Variants in VWA2 observed in about 807,000 individuals in gnomAD.
The protein encoded by VWA2 is von Willebrand factor A domain-containing protein 2.
A neutral mutation model predicts 70.4 loss-of-function variants in VWA2; 73 were observed. The observed-to-expected ratio is 1.04, with a 90% CI of 0.86 to 1.26. VWA2 has a LOEUF of 1.26. VWA2 is among the 50% of genes most tolerant of loss of function. VWA2 has a pLI of 0.00. For synonymous variants in VWA2, 407 were observed against 423.3 expected (o/e 0.96, Z 0.47); for missense variants, 1,011 against 998.5 (o/e 1.01, Z -0.17).
chr10:114,288,867 A>T (rs950205258), intron 11 of VWA2, 71 bp from the exon 12 acceptor site: 2 of 1,523,630 alleles, frequency 1.3e-6, no homozygotes, highest in African/African-American at 1.4e-5. Flanking sequence ...CCAACCTGGC[A>T]GTCCCTGGGT....
chr10:114,278,182 C>T (rs555277337), intron 7 of VWA2, 135 bp downstream of exon 7: 6 of 1,263,890 alleles, frequency 4.7e-6, no homozygotes, highest in East Asian at 2.5e-5. Flanking sequence ...GCAGCCTCCA[C>T]CCTGGATGCT....
At position 114,286,104 on chromosome 10, in the gene VWA2, G is replaced by C; in HGVS notation, c.1163G>C (p.Ser388Thr). 6.2e-7 allele frequency: 1 copy of C among 1,614,160 alleles called. No individual in the cohort carries two copies. Among genetic ancestry groups the C allele is most frequent in the Non-Finnish European group, 8.5e-7 (1 of 1,180,036 alleles). Residue 388 changes from serine (S) to threonine (T), a missense_variant, in exon 11 of 14, where the codon AGC (serine) becomes ACC (threonine). By Grantham distance (58) the Ser-to-Thr change is moderately conservative (BLOSUM62 1). Transcript: ENST00000392982. ...GCCCGAGTGGGTGTGGCCACATACA[G>C]CAGGGAGCTGCTGGTGGCGGTGCCT... is the stretch of plus-strand genomic sequence containing the variant. ...SRARVGVATY[S>T]RELLVAVPVG...
At chr10:114,277,564 C>T (rs1262408309) in intron 6 of VWA2, among the ~76,000 whole-genome samples, 1 of 152,186 alleles carries the variant, frequency 6.6e-6, no homozygotes, top group Non-Finnish European at 1.5e-5. Flanking sequence ...ATCTGTACAT[C>T]ATTTTCCTCC....
At chr10:114,256,651 C>T (rs1052501018) in intron 4 of VWA2, among the ~76,000 whole-genome samples, 1 of 152,120 alleles carries the variant, frequency 6.6e-6, no homozygotes, top group African/African-American at 2.4e-5. Flanking sequence ...TGGGTCACGC[C>T]TGTAATCCCA....
intron 8 of VWA2, among the ~76,000 whole-genome samples, chr10:114,279,356 TC>T (rs2037946035): frequency 6.6e-6 from 1 of 152,030 alleles, no homozygotes; most frequent in African/African-American, 2.4e-5. Context: ...CCCACACTGT[TC>T]CTGGGCACTT....
intron 3 of VWA2, 49 bp from the exon 4 acceptor site, chr10:114,254,866 T>G (rs537446470): frequency 1.3e-4 from 205 of 1,594,716 alleles, no homozygotes; most frequent in Non-Finnish European, 1.7e-4. Context: ...GCTTCAGAAG[T>G]GAGACCGACT....
At chr10:114,275,755 C>G (rs926656837) in intron 6 of VWA2, among the ~76,000 whole-genome samples, 1 of 151,996 alleles carries the variant, frequency 6.6e-6, no homozygotes, top group South Asian at 2.1e-4. Context: ...GGATGAAACC[C>G]TATCTCTACT....
At chr10:114,282,639 CT>C in intron 9 of VWA2, 68 bp downstream of exon 9, 1 of 1,399,882 alleles carries the variant, frequency 7.1e-7, no homozygotes, top group East Asian at 2.3e-5. Context: ...TGTAAAGTGG[CT>C]TTTACAATCC....
intron 5 of VWA2, among the ~76,000 whole-genome samples, chr10:114,265,241 TTTATG>T (rs200325706): frequency 0.013 from 1,953 of 152,276 alleles, 62 homozygotes; most frequent in Admixed American, 0.074. Flanking sequence ...AAGTGTGAAT[TTTATG>T]TTATGTAAGT....
intron 4 of VWA2, 71 bp from the exon 5 acceptor site, chr10:114,261,114 GC>G (rs951877323): frequency 4.6e-5 from 52 of 1,119,190 alleles, no homozygotes; most frequent in Middle Eastern, 4.1e-4. Flanking sequence ...AACTTTTCTT[GC>G]CCCTTCTTTC....
chr10:114,286,518 T>A lies in VWA2; in HGVS notation c.1570+7T>A, dbSNP rs1589819777. 6.4e-7 allele frequency: 1 copy of A among 1,552,846 alleles called. No homozygotes were observed. The stretch of plus-strand genomic sequence containing the variant: ...TGCAGCCGGCAGCGGCCAGGTAAGG[T>A]CCCAGTGCCTGACCCAGGACCGCTG... On this transcript the variant is annotated splice_region_variant and intron_variant, in intron 11 of 13. Coordinates refer to ENST00000392982, the MANE Select transcript of VWA2 (RefSeq NM_001272046.2).
At chr10:114,269,891 G>C (rs571160484) in intron 5 of VWA2, among the ~76,000 whole-genome samples, 1 of 152,304 alleles carries the variant, frequency 6.6e-6, no homozygotes, top group East Asian at 1.9e-4. Flanking sequence ...AGAGGAGCAG[G>C]TTGCTTCAAA....
intron 1 of VWA2, chr10:114,246,177 C>A: frequency 1.7e-6 from 2 of 1,188,276 alleles, no homozygotes; most frequent in Non-Finnish European, 2.5e-6. Context: ...CCTTTTGAGG[C>A]AAACGTACAC....
chr10:114,288,835 C>G, intron 11 of VWA2, 103 bp from the exon 12 acceptor site: 1 of 1,238,982 alleles, frequency 8.1e-7, no homozygotes, highest in Non-Finnish European at 1.1e-6. Flanking sequence ...GAACAGAGCA[C>G]CCTGGCTGAC....
intron 6 of VWA2, among the ~76,000 whole-genome samples, chr10:114,273,323 C>T (rs2037753233): frequency 6.6e-6 from 1 of 152,196 alleles, no homozygotes. Flanking sequence ...TGCCTCCTCT[C>T]GTACCCTGAC....
chr10:114,262,599 T>C (rs1003477618), intron 5 of VWA2, among the ~76,000 whole-genome samples: 7 of 152,226 alleles, frequency 4.6e-5, no homozygotes, highest in Admixed American at 4.6e-4. Context: ...AGGGCCTTTT[T>C]CCAGTTGCAA....
At chr10:114,273,010 G>T in intron 6 of VWA2, 76 bp downstream of exon 6, 1 of 1,362,298 alleles carries the variant, frequency 7.3e-7, no homozygotes, top group Non-Finnish European at 9.9e-7. Flanking sequence ...GGGAGGGAAG[G>T]GAGGGGACTG....
chr10:114,250,190 A>G (rs1321553292), intron 2 of VWA2, among the ~76,000 whole-genome samples: 1 of 152,252 alleles, frequency 6.6e-6, no homozygotes, highest in South Asian at 2.1e-4. Flanking sequence ...CATCTTTTCC[A>G]TAAGATGTAA....
intron 5 of VWA2, among the ~76,000 whole-genome samples, chr10:114,265,312 C>T (rs940466322): frequency 1.3e-5 from 2 of 152,210 alleles, no homozygotes; most frequent in South Asian, 2.1e-4. Flanking sequence ...TATGCATTTT[C>T]GGAGGAAAAG....
Sources: allele counts gnomAD v4.1 joint callset (sites outside exome capture counted in the v4.1 genomes callset), GRCh38; gene constraint gnomAD v4.1.1; transcripts MANE v1.5; gene names NCBI Gene and HGNC (gene_info 2026-07-23, HGNC 2026-07-21).